Variants in NHS observed in about 807,000 individuals in gnomAD.
NHS encodes the protein NHS actin remodeling regulator.
NHS carries 5 observed loss-of-function variants against 72.5 expected under a neutral mutation model. That is an observed-to-expected ratio of 0.07 (90% CI 0.04 to 0.14). NHS has a LOEUF of 0.14. Among genes scored for constraint, NHS ranks in the 10% least tolerant of loss-of-function variants. NHS has a pLI of 1.00. For missense variants in NHS, 1,072 were observed against 1,355.7 expected (o/e 0.79, Z 3.29); for synonymous variants, 464 against 547.7 (o/e 0.85, Z 2.13).
rs767528483 is a variant in NHS, at chrX:17,727,248, G to A, written c.3142G>A (p.Gly1048Arg). The change falls in exon 7 of 9, where the codon GGA becomes AGA. Residue 1048 changes from glycine (G) to arginine (R), a missense_variant. Physicochemically the swap from Gly to Arg is moderately radical, Grantham distance 125. Coordinates refer to ENST00000676302, the MANE Select transcript of NHS (RefSeq NM_001291867.2). ...TAFFSGPLSP[G>R]GSKRKPKVPE... ...TTTCTTTTCAGGTCCATTGTCTCCC[G>A]GAGGTAGCAAAAGAAAACCTAAAGT... is the stretch of plus-strand genomic sequence containing the variant. The A allele has an allele frequency of 1.6e-5, 19 of 1,209,694 alleles. No homozygotes were observed. The highest frequency in any genetic ancestry group is 3.5e-5 in the South Asian group (2 of 56,811).
At chrX:17,521,672 C>T (rs1238105233) in intron 1 of NHS, among the ~76,000 whole-genome samples, 1 of 111,878 alleles carries the variant, frequency 8.9e-6, no homozygotes, top group East Asian at 2.8e-4. Flanking sequence ...CTATCCCACC[C>T]TCTATTGTCC....
chrX:17,520,371 A>G (rs931583803), intron 1 of NHS, among the ~76,000 whole-genome samples: 5 of 112,673 alleles, frequency 4.4e-5, no homozygotes, highest in African/African-American at 1.6e-4. Flanking sequence ...AGACAGTGAT[A>G]GTCTTGCTGA....
intron 1 of NHS, chrX:17,587,239 C>CCCT (rs1233674047): frequency 8.9e-6 from 1 of 112,325 alleles, no homozygotes; most frequent in African/African-American, 3.2e-5. Context: ...TGAACAGGCG[C>CCCT]CCTCAGTTAA....
At chrX:17,474,254 C>G (rs1054886520) in intron 1 of NHS, among the ~76,000 whole-genome samples, 1 of 112,270 alleles carries the variant, frequency 8.9e-6, no homozygotes, top group Admixed American at 9.5e-5. Context: ...TTTCCCTGCT[C>G]TTCCCTTCTG....
chrX:17,523,893 G>T (rs2065161694), intron 1 of NHS, among the ~76,000 whole-genome samples: 1 of 111,716 alleles, frequency 9.0e-6, no homozygotes, highest in South Asian at 3.8e-4. Flanking sequence ...ATCCTGGAGT[G>T]CCAGGGGCCT....
At chrX:17,660,396 GTTGT>G (rs1228782129) in intron 1 of NHS, among the ~76,000 whole-genome samples, 1 of 112,447 alleles carries the variant, frequency 8.9e-6, no homozygotes, top group Non-Finnish European at 1.9e-5. Context: ...GCTTTTTGTG[GTTGT>G]TTATCTATTG....
rs532125502 is a variant in NHS at position 17,536,452 on chromosome X, C to T, written c.566-151290C>T. On this transcript the variant is annotated intron_variant, in intron 1 of 8. Transcript: ENST00000676302. ...CACTGGCTCTTTCTTACAGCCAGCT[C>T]ATCCCTGGGCAATAACATCTCCAGC... 6.2e-4 allele frequency among the ~76,000 whole-genome samples: 70 copies of T among 112,939 alleles called. 3 individuals carry two copies. The South Asian group carries it at 0.026, about 41-fold the overall frequency.
intron 1 of NHS, among the ~76,000 whole-genome samples, chrX:17,560,192 G>A (rs2065405080): frequency 9.0e-6 from 1 of 111,473 alleles, no homozygotes; most frequent in Non-Finnish European, 1.9e-5. Flanking sequence ...GTTGATATCA[G>A]AGCCAGCCCT....
chrX:17,676,272 G>A (rs1411783385), intron 1 of NHS, among the ~76,000 whole-genome samples: 1 of 111,975 alleles, frequency 8.9e-6, no homozygotes, highest in African/African-American at 3.2e-5. Context: ...TCTTTCCTGG[G>A]ATGTCAGAGG....
intron 1 of NHS, among the ~76,000 whole-genome samples, chrX:17,458,806 T>C (rs1412601571): frequency 8.9e-6 from 1 of 112,429 alleles, no homozygotes; most frequent in Non-Finnish European, 1.9e-5. Flanking sequence ...GCATGCATTC[T>C]TTGGGTCCAG....
intron 1 of NHS, among the ~76,000 whole-genome samples, chrX:17,448,362 G>C (rs1051157952): frequency 8.0e-5 from 9 of 112,287 alleles, no homozygotes; most frequent in Non-Finnish European, 1.9e-5. Context: ...AATTCTAAAA[G>C]TCAACAGAAT....
rs1050754657 is a variant in NHS at position 17,732,707 on chromosome X, C to T, written c.*243C>T. The T allele has an allele frequency of 1.2e-5, 5 of 405,264 alleles. No homozygotes were observed. The highest frequency in any genetic ancestry group is 4.2e-5 in the Admixed American group (1 of 24,080). 33.4% of individuals were successfully genotyped at this position (405,264 alleles called of 1,213,427 possible). A position where few individuals can be genotyped will look rare whatever the true frequency, so the allele number is the denominator to read the frequency against. ...TTTTTCTTTAGCATAGTTTGATTTA[C>T]GCAATCTCCTTCCTTGTGAAAATAG... On this transcript the variant is annotated 3_prime_UTR_variant, in exon 9 of 9. Coordinates refer to ENST00000676302, the MANE Select transcript of NHS (RefSeq NM_001291867.2).
chrX:17,379,740 A>C (rs898635305), intron 1 of NHS, among the ~76,000 whole-genome samples: 1 of 112,084 alleles, frequency 8.9e-6, no homozygotes, highest in African/African-American at 3.2e-5. Flanking sequence ...GCGCCATTGC[A>C]CTCCAGCGTG....
chrX:17,665,576 C>T (rs1346329433), intron 1 of NHS, among the ~76,000 whole-genome samples: 1 of 110,427 alleles, frequency 9.1e-6, no homozygotes, highest in Non-Finnish European at 1.9e-5. Context: ...ATCCACCCGC[C>T]TCGGCCTCCC....
chrX:17,433,312 G>A (rs1478743416), intron 1 of NHS, among the ~76,000 whole-genome samples: 2 of 103,606 alleles, frequency 1.9e-5, no homozygotes, highest in Non-Finnish European at 3.9e-5. Context: ...GCCTCCCATA[G>A]TGCTCCCCCT....
intron 1 of NHS, among the ~76,000 whole-genome samples, chrX:17,523,762 A>G (rs2065160998): frequency 8.9e-6 from 1 of 111,963 alleles, no homozygotes; most frequent in Non-Finnish European, 1.9e-5. Flanking sequence ...CTCTCCCAAC[A>G]GTGCCGGCAA....
chrX:17,681,360 C>T (rs1434394609), intron 1 of NHS, among the ~76,000 whole-genome samples: 6 of 111,624 alleles, frequency 5.4e-5, no homozygotes, highest in African/African-American at 1.3e-4. Flanking sequence ...GAGCCTGAAC[C>T]ACTGCATGAA....
At chrX:17,678,474 G>A (rs2066100719) in intron 1 of NHS, among the ~76,000 whole-genome samples, 1 of 112,067 alleles carries the variant, frequency 8.9e-6, no homozygotes, top group South Asian at 3.7e-4. Flanking sequence ...TTTACTCCTA[G>A]TGGAAAGCAA....
intron 1 of NHS, among the ~76,000 whole-genome samples, chrX:17,495,453 G>T (rs995958653): frequency 8.9e-6 from 1 of 112,020 alleles, no homozygotes; most frequent in Non-Finnish European, 1.9e-5. Flanking sequence ...GTATAGGTTT[G>T]TTTCGCATTG....
Sources: gnomAD v4.1 joint callset for allele counts (sites outside exome capture counted in the v4.1 genomes callset) on GRCh38, gnomAD v4.1.1 for gene constraint, MANE v1.5 for transcripts, NCBI Gene and HGNC (gene_info 2026-07-23, HGNC 2026-07-21) for gene names.